Variants in RFC4 observed in about 807,000 individuals in gnomAD.
RFC4 encodes A1 37 kDa subunit.
In RFC4, 38 loss-of-function variants were observed where a neutral mutation model predicts 47.6. That is an observed-to-expected ratio of 0.80 (90% CI 0.62 to 1.05). RFC4 has a LOEUF of 1.05. Among genes scored for constraint, RFC4 ranks in the 50% least tolerant of loss-of-function variants. The pLI, the probability that RFC4 is intolerant of heterozygous loss-of-function variation, is 0.00. For synonymous variants in RFC4, 164 were observed against 150.0 expected (o/e 1.09, Z -0.68); for missense variants, 489 against 434.0 (o/e 1.13, Z -1.13).
intron 2 of RFC4, 162 bp from the exon 3 acceptor site, chr3:186,801,357 T>C: frequency 1.6e-6 from 1 of 607,816 alleles, no homozygotes; most frequent in Non-Finnish European, 2.9e-6. Flanking sequence ...ACCCCACTTG[T>C]TTTTACCGTA....
intron 8 of RFC4, among the ~76,000 whole-genome samples, chr3:186,790,878 T>C (rs113873246): frequency 3.9e-5 from 6 of 151,970 alleles, no homozygotes; most frequent in African/African-American, 7.2e-5. Context: ...TCTTGTCATA[T>C]GGAAGGCCTA....
intron 3 of RFC4, among the ~76,000 whole-genome samples, chr3:186,799,645 G>A (rs999115428): frequency 2.1e-4 from 32 of 152,032 alleles, no homozygotes; most frequent in African/African-American, 6.5e-4. Flanking sequence ...CCTGGGAGGC[G>A]GAGGTTGCAG....
chr3:186,805,367 C>T lies in RFC4; in HGVS notation c.-11-643G>A, dbSNP rs3917094. On this transcript the variant is annotated intron_variant, in intron 1 of 10. Transcript: ENST00000296273. ...TCCCCAGTAGCTAGGACTACAGGTG[C>T]GTGCCACCACCCCCGGCTAATTTTT... 6.4e-3 allele frequency among the ~76,000 whole-genome samples: 968 copies of T among 152,214 alleles called. 9 individuals are homozygous for T. The highest frequency in any genetic ancestry group is 0.022 in the African/African-American group (928 of 41,522).
intron 1 of RFC4, among the ~76,000 whole-genome samples, 196 bp downstream of exon 1, chr3:186,806,094 G>A (rs1560095568): frequency 6.6e-6 from 1 of 152,206 alleles, no homozygotes. Context: ...CCTGCCTCGG[G>A]CTGTTAAACA....
intron 2 of RFC4, among the ~76,000 whole-genome samples, chr3:186,803,403 C>T (rs760785607): frequency 4.4e-4 from 67 of 152,078 alleles, no homozygotes; most frequent in Admixed American, 3.0e-3. Context: ...ATATGAGGGC[C>T]TTACTCGGCC....
chr3:186,801,336 A>T (rs1722347284), intron 2 of RFC4, 141 bp from the exon 3 acceptor site: 9 of 649,114 alleles, frequency 1.4e-5, no homozygotes, highest in Non-Finnish European at 2.5e-5. Flanking sequence ...CATAATCGGA[A>T]ATAGGTGGAA....
chr3:186,800,610 C>T (rs1336459549), intron 3 of RFC4, among the ~76,000 whole-genome samples: 2 of 152,140 alleles, frequency 1.3e-5, no homozygotes, highest in African/African-American at 2.4e-5. Flanking sequence ...GATACTTTAT[C>T]CCCCAGATCA....
rs762847347 is a variant in RFC4, at chr3:186,791,860, A to G, written c.676-10T>C. On this transcript the variant is annotated splice_polypyrimidine_tract_variant and intron_variant, in intron 7 of 10. Coordinates refer to ENST00000296273, the MANE Select transcript of RFC4 (RefSeq NM_002916.5). ...CAAGATAAGCTATTCCCTGAAGAGA[A>G]AAGAGTTGTTTTTAACCTATGATGG... 1.9e-6 allele frequency: 3 copies of G among 1,608,586 alleles called. No homozygotes were observed. The highest frequency in any genetic ancestry group is 2.7e-5 in the African/African-American group (2 of 74,630).
At position 186,797,481 on chromosome 3, in the gene RFC4, A is replaced by G; in HGVS notation, c.290+54T>C. On this transcript the variant is annotated intron_variant, in intron 4 of 10. Coordinates refer to ENST00000296273, the MANE Select transcript of RFC4 (RefSeq NM_002916.5). ...TTTAGAGGAAAAAAAGCAATATCAG[A>G]GAATTTTGGTGTCAAATCTTTAAAA... 3 of 1,155,114 alleles carry G rather than the reference A, an allele frequency of 2.6e-6. No individual in the cohort carries two copies. In the Admixed American group the frequency reaches 6.1e-5, roughly 23 times the overall value. 71.6% of individuals were successfully genotyped at this position (1,155,114 alleles called of 1,614,324 possible).
rs982885288 is a variant in RFC4 at position 186,796,668 on chromosome 3, T to A, written c.290+867A>T. On this transcript the variant is annotated intron_variant, in intron 4 of 10. Coordinates refer to ENST00000296273, the MANE Select transcript of RFC4 (RefSeq NM_002916.5). This position sits in a 1 kb window ranked among gnomAD's most constrained non-coding sequence, Gnocchi z 4.2. ...CAAATTTTTGTATTTTTAGTAGAGA[T>A]GGGGTTTCACCATGTTGGCCAGGCT... 6.6e-6 allele frequency among the ~76,000 whole-genome samples: 1 copy of A among 152,102 alleles called. No homozygotes were observed. Among genetic ancestry groups the A allele is most frequent in the Admixed American group, 6.5e-5 (1 of 15,268 alleles).
At chr3:186,791,445 G>A (rs1414730058) in intron 8 of RFC4, 1 of 372,438 alleles carries the variant, frequency 2.7e-6, no homozygotes, top group Non-Finnish European at 5.2e-6. Context: ...ACTCCAGCCT[G>A]GGCGACACAG....
chr3:186,800,195 G>C (rs1722324317), intron 3 of RFC4, among the ~76,000 whole-genome samples: 1 of 152,120 alleles, frequency 6.6e-6, no homozygotes, highest in Non-Finnish European at 1.5e-5. Context: ...GACCTCAAGT[G>C]ATCTTCCCAT....
rs760230340 is a variant in RFC4 at position 186,789,941 on chromosome 3, CA to C, written c.*27del. 1 of 1,374,964 alleles carries C rather than the reference CA, an allele frequency of 7.3e-7. No homozygotes were observed. Among genetic ancestry groups the C allele is most frequent in the South Asian group, 1.2e-5 (1 of 82,356 alleles). The allele number at this position is 1,374,964 out of a possible 1,614,324, so 85.2% of individuals were successfully genotyped here. Reference sequence around the variant, plus strand: ...ATTTTTATTACAACTTCATTATTTACAAAACCCCCCATCCAGATATATTCAC... The same window carrying C: ...ATTTTTATTACAACTTCATTATTTACAAACCCCCCATCCAGATATATTCAC... On this transcript the variant is annotated 3_prime_UTR_variant, in exon 11 of 11. Transcript: ENST00000296273.
At chr3:186,805,885 A>G (rs917617102) in intron 1 of RFC4, among the ~76,000 whole-genome samples, 8 of 152,228 alleles carry the variant, frequency 5.3e-5, no homozygotes, top group Admixed American at 5.2e-4. Context: ...TATTTGGTGA[A>G]TGAATTACCA....
intron 2 of RFC4, chr3:186,801,516 C>T: frequency 8.3e-6 from 2 of 240,990 alleles, no homozygotes; most frequent in Non-Finnish European, 1.6e-5. Flanking sequence ...TTAAGACCAT[C>T]CTGGCTAACA....
intron 2 of RFC4, among the ~76,000 whole-genome samples, chr3:186,801,702 C>A (rs1722357423): frequency 8.7e-6 from 1 of 114,444 alleles, no homozygotes; most frequent in Admixed American, 1.0e-4. Flanking sequence ...CAGAGGGAGA[C>A]TCTGTCTCAA....
At chr3:186,802,026 A>T (rs924800638) in intron 2 of RFC4, among the ~76,000 whole-genome samples, 2 of 149,830 alleles carry the variant, frequency 1.3e-5, no homozygotes, top group Non-Finnish European at 3.0e-5. Context: ...TTTATCTCAA[A>T]AAAAAAAAAA....
At chr3:186,792,147 G>C (rs1722154888) in intron 7 of RFC4, among the ~76,000 whole-genome samples, 1 of 152,048 alleles carries the variant, frequency 6.6e-6, no homozygotes, top group Admixed American at 6.6e-5. Flanking sequence ...AATGAATAAG[G>C]GCCTTATGTT....
rs1722313761 is a variant in RFC4 at position 186,799,753 on chromosome 3, A to C, written c.210+1364T>G. ...CAAAAAAACAAAAGAACTGGATCTT[A>C]ATCTCACTACATTTGCTGAAGATAC... On this transcript the variant is annotated intron_variant, in intron 3 of 10. Coordinates refer to ENST00000296273, the MANE Select transcript of RFC4 (RefSeq NM_002916.5). 2.0e-5 allele frequency among the ~76,000 whole-genome samples: 3 copies of C among 152,074 alleles called. No homozygotes were observed. In the East Asian group the frequency reaches 5.8e-4, roughly 29 times the overall value.
Sources: allele counts gnomAD v4.1 joint callset (sites outside exome capture counted in the v4.1 genomes callset), GRCh38; gene constraint gnomAD v4.1.1; non-coding constraint Gnocchi (gnomAD v3.1); transcripts MANE v1.5; gene names NCBI Gene and HGNC (gene_info 2026-07-23, HGNC 2026-07-21).